Variants in RBMS3 observed in about 807,000 individuals in gnomAD.
RBMS3 encodes the protein RNA binding motif single stranded interacting protein 3.
A neutral mutation model predicts 66.8 loss-of-function variants in RBMS3; 27 were observed. The observed-to-expected ratio is 0.40, with a 90% CI of 0.30 to 0.56. RBMS3 has a LOEUF of 0.56. Ranked by LOEUF, RBMS3 falls within the 20% of genes least tolerant of loss-of-function variation. RBMS3 has a pLI of 0.40. For missense variants in RBMS3, 513 were observed against 549.5 expected, an observed-to-expected ratio of 0.93 and a Z score of 0.66; for synonymous variants, 188 against 183.0, an observed-to-expected ratio of 1.03 and a Z score of -0.22.
intron 4 of RBMS3, among the ~76,000 whole-genome samples, chr3:29,621,063 G>C (rs1004604224): frequency 6.6e-6 from 1 of 151,958 alleles, no homozygotes; most frequent in African/African-American, 2.4e-5. Flanking sequence ...GCTCATAAAG[G>C]CTGCTGGAAC....
chr3:29,628,834 G>A (rs1158956671), intron 4 of RBMS3, among the ~76,000 whole-genome samples: 1 of 152,032 alleles, frequency 6.6e-6, no homozygotes, highest in Admixed American at 6.6e-5. Flanking sequence ...GCAAATTAAG[G>A]TAAATCATTC....
At chr3:29,479,350 C>G (rs1397660557) in intron 2 of RBMS3, among the ~76,000 whole-genome samples, 1 of 150,628 alleles carries the variant, frequency 6.6e-6, no homozygotes, top group East Asian at 1.9e-4. Flanking sequence ...GTAATCCAAT[C>G]ATTAGTGGGT....
At chr3:29,995,913 A>G (rs1699197033) in intron 14 of RBMS3, among the ~76,000 whole-genome samples, 1 of 152,044 alleles carries the variant, frequency 6.6e-6, no homozygotes, top group Non-Finnish European at 1.5e-5. Context: ...ATTCACACAT[A>G]ACAATATTAA....
chr3:29,311,114 A>G (rs761095723), intron 1 of RBMS3, among the ~76,000 whole-genome samples: 3 of 151,746 alleles, frequency 2.0e-5, no homozygotes, highest in Non-Finnish European at 2.9e-5. Context: ...CAGTAGGTTA[A>G]TGGGGCCAGT....
chr3:29,823,955 C>T (rs1009459727), intron 6 of RBMS3, among the ~76,000 whole-genome samples: 9 of 152,062 alleles, frequency 5.9e-5, no homozygotes, highest in African/African-American at 2.2e-4. Context: ...ATGAGAGTTC[C>T]AGTTTCTCCA....
At chr3:29,320,435 G>T (rs1417279632) in intron 1 of RBMS3, among the ~76,000 whole-genome samples, 2 of 151,898 alleles carry the variant, frequency 1.3e-5, no homozygotes, top group East Asian at 3.9e-4. Context: ...CATGAATAAA[G>T]AATAAAAGCT....
At chr3:29,781,426 A>G (rs2056628262) in intron 6 of RBMS3, among the ~76,000 whole-genome samples, 1 of 152,038 alleles carries the variant, frequency 6.6e-6, no homozygotes, top group Non-Finnish European at 1.5e-5. Flanking sequence ...ATGGTTTTAT[A>G]CCGCATTTTA....
chr3:29,313,181 A>G (rs957582557), intron 1 of RBMS3, among the ~76,000 whole-genome samples: 3 of 151,752 alleles, frequency 2.0e-5, no homozygotes, highest in African/African-American at 4.8e-5. Context: ...TGGCATTTCA[A>G]GTAAGGGTGG....
intron 1 of RBMS3, among the ~76,000 whole-genome samples, chr3:29,385,945 A>C (rs1045102773): frequency 2.6e-5 from 4 of 151,782 alleles, no homozygotes; most frequent in African/African-American, 7.3e-5. Flanking sequence ...TTTGTTGCTC[A>C]TTTTCCTCAT....
At chr3:29,726,773 A>G (rs56053543) in intron 4 of RBMS3, among the ~76,000 whole-genome samples, 6,600 of 152,244 alleles carry the variant, frequency 0.043, 456 homozygotes, top group African/African-American at 0.15. Context: ...GAAAATGGTG[A>G]AAATGGCCAT....
Position 29,339,460 on chromosome 3 carries a change from G to A in RBMS3, c.75+57704G>A, listed in dbSNP as rs138199552. On this transcript the variant is annotated intron_variant, in intron 1 of 14. Coordinates refer to ENST00000383767, the MANE Select transcript of RBMS3 (RefSeq NM_001003793.3). ...GATATTTTGTTGTCCAAAAATAGTC[G>A]GACAGTACTATTTGCAGTCATTAAT... Among the ~76,000 whole-genome samples the A allele has an allele frequency of 4.3e-3, 653 of 152,118 alleles. 3 individuals carry two copies. Among genetic ancestry groups the A allele is most frequent in the African/African-American group, 0.014 (589 of 41,508 alleles).
intron 2 of RBMS3, among the ~76,000 whole-genome samples, chr3:29,441,318 A>G (rs2041612112): frequency 6.6e-6 from 1 of 152,208 alleles, no homozygotes; most frequent in African/African-American, 2.4e-5. Flanking sequence ...GCTGTAAACT[A>G]GACATAGTAT....
chr3:29,420,972 G>T (rs920367660), intron 1 of RBMS3, among the ~76,000 whole-genome samples: 1 of 148,676 alleles, frequency 6.7e-6, no homozygotes, highest in Admixed American at 6.7e-5. Context: ...AATTAACTGG[G>T]CGTGGTGGCG....
At chr3:29,301,462 A>C (rs1223765458) in intron 1 of RBMS3, among the ~76,000 whole-genome samples, 3 of 151,956 alleles carry the variant, frequency 2.0e-5, no homozygotes, top group Non-Finnish European at 4.4e-5. Context: ...ACCCCTCTTA[A>C]CGTCTAAAAT....
At chr3:29,502,925 T>G (rs1261282053) in intron 3 of RBMS3, among the ~76,000 whole-genome samples, 1 of 152,040 alleles carries the variant, frequency 6.6e-6, no homozygotes, top group Non-Finnish European at 1.5e-5. Context: ...AATGCTCTCT[T>G]TCATCTTATT....
At chr3:29,988,277 T>A in intron 13 of RBMS3, 54 bp downstream of exon 13, 2 of 1,424,706 alleles carry the variant, frequency 1.4e-6, no homozygotes, top group Non-Finnish European at 2.0e-6. Flanking sequence ...CTCAGTCACA[T>A]ATACTGTAGT....
intron 5 of RBMS3, among the ~76,000 whole-genome samples, chr3:29,748,798 T>G (rs2055045064): frequency 6.6e-6 from 1 of 152,230 alleles, no homozygotes; most frequent in Non-Finnish European, 1.5e-5. Context: ...AAAAGCATTT[T>G]GACTCCTTAG....
intron 3 of RBMS3, among the ~76,000 whole-genome samples, chr3:29,571,434 T>G (rs369895292): frequency 5.5e-4 from 84 of 152,274 alleles, no homozygotes; most frequent in African/African-American, 2.0e-3. Context: ...TTAATCCATT[T>G]TGATATGTTT....
At chr3:29,439,514 A>G (rs890342506) in intron 2 of RBMS3, among the ~76,000 whole-genome samples, 33 of 152,288 alleles carry the variant, frequency 2.2e-4, no homozygotes, top group Non-Finnish European at 4.6e-4. Flanking sequence ...CATGGGAACA[A>G]TTAACCAAAT....
Sources: allele counts gnomAD v4.1 joint callset (sites outside exome capture counted in the v4.1 genomes callset), GRCh38; gene constraint gnomAD v4.1.1; transcripts MANE v1.5; gene names NCBI Gene and HGNC (gene_info 2026-07-23, HGNC 2026-07-21).